ABCA12: variants seen among roughly 807,000 people sequenced by gnomAD.
The protein encoded by ABCA12 is ATP binding cassette subfamily A member 12, also known as glucosylceramide transporter ABCA12.
ABCA12 carries 156 observed loss-of-function variants against 293.5 expected under a neutral mutation model. The ratio of observed to expected loss-of-function variants is 0.53; its 90% confidence interval spans 0.47 to 0.61. The LOEUF (loss-of-function observed/expected upper bound fraction) is 0.61. ABCA12 is among the 20% of genes least tolerant of loss of function. The pLI, the probability that ABCA12 is intolerant of heterozygous loss-of-function variation, is 0.00. For missense variants in ABCA12, 2,797 were observed against 3,090.2 expected, an observed-to-expected ratio of 0.91 and a Z score of 2.25; for synonymous variants, 1,063 against 1,108.0, an observed-to-expected ratio of 0.96 and a Z score of 0.81.
Position 215,036,952 on chromosome 2 carries a change from C to T in ABCA12, c.985+1G>A. On this transcript the variant is annotated splice_donor_variant, in intron 8 of 52. Coordinates refer to ENST00000272895, the MANE Select transcript of ABCA12 (RefSeq NM_173076.3). LOFTEE classifies it high-confidence loss of function. Reference sequence around the variant, plus strand: ...AACACAGTAAGATGGAAATATAATACCTTGAGCTGGGGAGTCCAGAGTGTA... The same window carrying T: ...AACACAGTAAGATGGAAATATAATATCTTGAGCTGGGGAGTCCAGAGTGTA... 1.2e-6 allele frequency: 2 copies of T among 1,612,736 alleles called. No homozygotes were observed. Among genetic ancestry groups the T allele is most frequent in the Non-Finnish European group, 1.7e-6 (2 of 1,178,884 alleles).
At chr2:214,977,484 A>G (rs1245679357) in intron 33 of ABCA12, among the ~76,000 whole-genome samples, 1 of 152,208 alleles carries the variant, frequency 6.6e-6, no homozygotes, top group Non-Finnish European at 1.5e-5. Context: ...TGTTTAATTA[A>G]AAGTTCTGTT....
Position 215,091,647 on chromosome 2 carries a change from G to T in ABCA12, c.163+19950C>A, listed in dbSNP as rs1702149729. On this transcript the variant is annotated intron_variant, in intron 2 of 52. Coordinates refer to ENST00000272895, the MANE Select transcript of ABCA12 (RefSeq NM_173076.3). ...AAAAAGCTCCAAAAATTAAATTCTG[G>T]CCCTCAAACCCCACAACAGGACTTA... Among the ~76,000 whole-genome samples, 3 of 152,052 alleles carry T rather than the reference G, an allele frequency of 2.0e-5. No homozygotes were observed. In the South Asian group the frequency reaches 6.2e-4, roughly 32 times the overall value.
intron 7 of ABCA12, among the ~76,000 whole-genome samples, chr2:215,037,524 A>G (rs1701017739): frequency 6.6e-6 from 1 of 152,206 alleles, no homozygotes; most frequent in Admixed American, 6.5e-5. Flanking sequence ...CTTTTGCTAA[A>G]CAGATAGTAA....
At chr2:215,063,937 AG>A in intron 3 of ABCA12, 128 bp downstream of exon 3, 1 of 1,107,474 alleles carries the variant, frequency 9.0e-7, no homozygotes, top group Non-Finnish European at 1.4e-6. Flanking sequence ...TTTCATATTT[AG>A]ATCATCACAT....
intron 2 of ABCA12, among the ~76,000 whole-genome samples, chr2:215,108,860 A>G (rs1324534942): frequency 6.6e-6 from 1 of 152,150 alleles, no homozygotes; most frequent in Non-Finnish European, 1.5e-5. Context: ...CGAGGTCAGG[A>G]GTTCCAGACC....
At position 214,943,016 on chromosome 2, in the gene ABCA12, T is replaced by G. The variant is rs1483844691; in HGVS notation, c.7345A>C (p.Met2449Leu). 1 of 1,612,684 alleles carries G rather than the reference T, an allele frequency of 6.2e-7. No homozygotes were observed. ...KCSVILTSHSMEECEALCTRL... is the reference protein window; with the variant it reads ...KCSVILTSHSLEECEALCTRL... ...GTACAGAGAGCTTCACATTCTTCCA[T>G]GCTAAAAGACAAAGCAGGATCATAT... Residue 2449 changes from methionine to leucine, a missense_variant and splice_region_variant, in exon 50 of 53, where the codon ATG becomes CTG. Met to Leu is a conservative substitution (Grantham distance 15). Transcript: ENST00000272895.
At chr2:215,130,095 G>A (rs761812761) in intron 1 of ABCA12, among the ~76,000 whole-genome samples, 4 of 152,024 alleles carry the variant, frequency 2.6e-5, no homozygotes, top group Non-Finnish European at 5.9e-5. Context: ...GTCTATTTTT[G>A]TATCAGTATC....
intron 50 of ABCA12, among the ~76,000 whole-genome samples, chr2:214,941,594 G>T (rs1698403811): frequency 6.6e-6 from 1 of 151,906 alleles, no homozygotes; most frequent in East Asian, 1.9e-4. Context: ...AAGTCTCTTT[G>T]TTGGTCTCTA....
chr2:214,937,243 G>A (rs1217296587), intron 51 of ABCA12, among the ~76,000 whole-genome samples: 3 of 152,198 alleles, frequency 2.0e-5, no homozygotes, highest in Non-Finnish European at 4.4e-5. Context: ...TTGTCACCCA[G>A]GCTGGAGTGC....
intron 7 of ABCA12, chr2:215,038,926 T>C (rs973465826): frequency 6.6e-6 from 1 of 152,238 alleles, no homozygotes; most frequent in African/African-American, 2.4e-5. Context: ...ATACTTGATA[T>C]TTATTTTACT....
Position 214,933,460 on chromosome 2 carries a change from G to T in ABCA12, c.7680+618C>A, listed in dbSNP as rs576393896. Among the ~76,000 whole-genome samples the T allele has an allele frequency of 4.9e-4, 75 of 152,170 alleles. 1 individual carries two copies. In the South Asian group the frequency reaches 0.015, roughly 31 times the overall value. On this transcript the variant is annotated intron_variant, in intron 52 of 52. Coordinates refer to ENST00000272895, the MANE Select transcript of ABCA12 (RefSeq NM_173076.3). ...CAGCACCATATACTGACCCCTAAAG[G>T]CCTTACTTTCAGACCTAGTCCAATG...
intron 1 of ABCA12, among the ~76,000 whole-genome samples, chr2:215,120,538 A>C (rs1484721947): frequency 6.6e-6 from 1 of 152,144 alleles, no homozygotes; most frequent in Non-Finnish European, 1.5e-5. Context: ...TGTTGGATGG[A>C]GCGTAAGAAA....
At chr2:214,974,948 G>T in intron 34 of ABCA12, 84 bp from the exon 35 acceptor site, 1 of 1,237,238 alleles carries the variant, frequency 8.1e-7, no homozygotes, top group Non-Finnish European at 1.2e-6. Flanking sequence ...AATGAAATGT[G>T]CTGTATATAG....
At chr2:214,937,792 G>T (rs1698266444) in intron 50 of ABCA12, among the ~76,000 whole-genome samples, 177 bp from the exon 51 acceptor site, 1 of 152,108 alleles carries the variant, frequency 6.6e-6, no homozygotes, top group African/African-American at 2.4e-5. Context: ...ATAGTGCACT[G>T]CTATGATTTT....
intron 5 of ABCA12, among the ~76,000 whole-genome samples, chr2:215,051,048 G>T (rs1030413877): frequency 1.3e-5 from 2 of 152,026 alleles, no homozygotes; most frequent in African/African-American, 4.8e-5. Flanking sequence ...AAGATAACTT[G>T]GGAGTTTCAA....
intron 47 of ABCA12, 97 bp from the exon 48 acceptor site, chr2:214,947,653 T>A: frequency 1.4e-6 from 2 of 1,381,418 alleles, no homozygotes; most frequent in East Asian, 4.8e-5. Flanking sequence ...AAAGAAAATG[T>A]TATCATGGAG....
intron 1 of ABCA12, among the ~76,000 whole-genome samples, chr2:215,112,479 T>G (rs1395145506): frequency 3.9e-5 from 4 of 103,772 alleles, no homozygotes; most frequent in African/African-American, 1.5e-4. Flanking sequence ...TTCTTTGGGT[T>G]TTTTTTGTTT....
chr2:215,074,178 C>G (rs1279259880), intron 2 of ABCA12, among the ~76,000 whole-genome samples: 1 of 152,120 alleles, frequency 6.6e-6, no homozygotes, highest in East Asian at 1.9e-4. Context: ...CACATATTCC[C>G]AGCTGAAAAG....
rs762601228 is a variant in ABCA12, at chr2:215,134,407, T to TAC, written c.69+3732_69+3733insGT. On this transcript the variant is annotated intron_variant, in intron 1 of 52. Transcript: ENST00000272895. ...GTACATATATGTATATGTGTATATA[T>TAC]GTATATATGTACATATATGTATATG... 3.7e-3 allele frequency among the ~76,000 whole-genome samples: 508 copies of TAC among 135,638 alleles called. 22 individuals are homozygous for TAC. The highest frequency in any genetic ancestry group is 4.0e-3 in the African/African-American group (138 of 34,772). The allele number at this position is 135,638 out of a possible 152,430, so 89.0% of individuals were successfully genotyped here.
Sources: gnomAD v4.1 joint callset for allele counts (sites outside exome capture counted in the v4.1 genomes callset) on GRCh38, gnomAD v4.1.1 for gene constraint, MANE v1.5 for transcripts, NCBI Gene and HGNC (gene_info 2026-07-23, HGNC 2026-07-21) for gene names.